Variants in PHF20 observed in about 807,000 individuals in gnomAD.
PHF20 encodes glioma-expressed antigen 2.
Under a neutral mutation model 113.5 loss-of-function variants are expected in PHF20, and 23 were observed. The observed-to-expected ratio is 0.20, with a 90% CI of 0.15 to 0.29. The LOEUF (loss-of-function observed/expected upper bound fraction) is 0.29, where lower values mean the gene tolerates loss of function less well. PHF20 is among the 10% of genes least tolerant of loss of function. The pLI, the probability that PHF20 is intolerant of heterozygous loss-of-function variation, is 1.00. For synonymous variants in PHF20, 434 were observed against 457.3 expected (o/e 0.95, Z 0.65); for missense variants, 943 against 1,219.6 (o/e 0.77, Z 3.38).
chr20:35,783,544 G>A (rs1210523160), intron 1 of PHF20, among the ~76,000 whole-genome samples: 1 of 151,378 alleles, frequency 6.6e-6, no homozygotes, highest in African/African-American at 2.4e-5. Flanking sequence ...ATCCTCGTGA[G>A]TAGTTGGGAC....
chr20:35,930,001 G>C (rs556682811), intron 14 of PHF20, among the ~76,000 whole-genome samples: 16 of 152,344 alleles, frequency 1.1e-4, no homozygotes, highest in Admixed American at 8.5e-4. Flanking sequence ...CAACAGTCTG[G>C]TAGAAAGCTT....
chr20:35,908,411 C>G (rs974307316), intron 10 of PHF20, among the ~76,000 whole-genome samples: 2 of 152,220 alleles, frequency 1.3e-5, no homozygotes, highest in Non-Finnish European at 2.9e-5. Flanking sequence ...GGCAGTTTTC[C>G]TCTACATCTT....
At chr20:35,880,993 A>G (rs981081458) in intron 9 of PHF20, among the ~76,000 whole-genome samples, 4 of 150,960 alleles carry the variant, frequency 2.6e-5, no homozygotes, top group Non-Finnish European at 4.4e-5. Flanking sequence ...TTTTTTTAGA[A>G]AGTACTTTTT....
At chr20:35,849,817 C>G (rs1005197862) in intron 4 of PHF20, among the ~76,000 whole-genome samples, 1 of 152,150 alleles carries the variant, frequency 6.6e-6, no homozygotes, top group African/African-American at 2.4e-5. Flanking sequence ...CAGGAGGAGG[C>G]AGGGGATATA....
At chr20:35,878,803 G>A in intron 9 of PHF20, 3 of 637,066 alleles carry the variant, frequency 4.7e-6, no homozygotes, top group Non-Finnish European at 8.5e-6. Context: ...TTGAAGTTAC[G>A]TATTATTGTT....
intron 1 of PHF20, among the ~76,000 whole-genome samples, chr20:35,784,947 A>C (rs1357922145): frequency 6.6e-6 from 1 of 151,278 alleles, no homozygotes; most frequent in Non-Finnish European, 1.5e-5. Flanking sequence ...GCACTGGGGG[A>C]GCTGAGGTGG....
chr20:35,932,299 C>T (rs942770942), intron 15 of PHF20, among the ~76,000 whole-genome samples: 1 of 151,520 alleles, frequency 6.6e-6, no homozygotes, highest in Non-Finnish European at 1.5e-5. Context: ...GAACTCCTGA[C>T]CTCAAGTGAT....
At chr20:35,879,817 G>T (rs1412555366) in intron 9 of PHF20, among the ~76,000 whole-genome samples, 1 of 145,778 alleles carries the variant, frequency 6.9e-6, no homozygotes, top group Non-Finnish European at 1.5e-5. Flanking sequence ...AAACAAAACA[G>T]AATAAAACCC....
chr20:35,938,548 C>A, intron 15 of PHF20, 149 bp from the exon 16 acceptor site: 1 of 736,796 alleles, frequency 1.4e-6, no homozygotes, highest in Non-Finnish European at 2.3e-6. Flanking sequence ...ACCACGGATT[C>A]ACATTCGCTC....
chr20:35,904,770 CT>C (rs11479574), intron 10 of PHF20, among the ~76,000 whole-genome samples: 17 of 85,724 alleles, frequency 2.0e-4, no homozygotes, highest in African/African-American at 1.1e-3. Flanking sequence ...TTCTTTTCTC[CT>C]TCCTTCCTTC....
chr20:35,854,221 C>G (rs999126081), intron 4 of PHF20, among the ~76,000 whole-genome samples: 1 of 152,050 alleles, frequency 6.6e-6, no homozygotes, highest in African/African-American at 2.4e-5. Context: ...TTCTTAGAAC[C>G]CTTTTAGTGT....
intron 4 of PHF20, among the ~76,000 whole-genome samples, chr20:35,852,168 G>A (rs1488278555): frequency 6.6e-6 from 1 of 152,202 alleles, no homozygotes; most frequent in Non-Finnish European, 1.5e-5. Context: ...TCTGCATGGA[G>A]GTCTGTGGTT....
At chr20:35,942,460 C>T (rs2056001491) in intron 17 of PHF20, among the ~76,000 whole-genome samples, 1 of 152,196 alleles carries the variant, frequency 6.6e-6, no homozygotes, top group Non-Finnish European at 1.5e-5. Flanking sequence ...GTTGTTGCCA[C>T]AGGGACCTTC....
intron 2 of PHF20, among the ~76,000 whole-genome samples, chr20:35,829,330 T>C (rs1447186020): frequency 1.3e-5 from 2 of 152,066 alleles, no homozygotes; most frequent in Non-Finnish European, 2.9e-5. Flanking sequence ...CCAGCCTACT[T>C]CTCCAAAATA....
intron 1 of PHF20, among the ~76,000 whole-genome samples, chr20:35,786,081 C>T (rs1025131146): frequency 6.7e-6 from 1 of 148,886 alleles, no homozygotes; most frequent in African/African-American, 2.5e-5. Context: ...GATAGCTGGT[C>T]AGGTGTGTTT....
At chr20:35,912,374 T>C (rs1412466320) in intron 10 of PHF20, among the ~76,000 whole-genome samples, 1 of 152,204 alleles carries the variant, frequency 6.6e-6, no homozygotes, top group East Asian at 1.9e-4. Context: ...TAGGAAAAAC[T>C]GTGAAGGGAG....
intron 2 of PHF20, among the ~76,000 whole-genome samples, chr20:35,806,258 C>A (rs1437303615): frequency 6.7e-6 from 1 of 148,618 alleles, no homozygotes; most frequent in East Asian, 2.0e-4. Context: ...CTTCCAGGCT[C>A]AGGTGATCCT....
At chr20:35,831,393 C>A (rs759956834) in intron 2 of PHF20, among the ~76,000 whole-genome samples, 1 of 152,130 alleles carries the variant, frequency 6.6e-6, no homozygotes, top group Non-Finnish European at 1.5e-5. Flanking sequence ...ATCTCAAACT[C>A]CTGGGCTCAG....
At chr20:35,800,441 CAAAA>C (rs934999193) in intron 1 of PHF20, among the ~76,000 whole-genome samples, 1 of 151,562 alleles carries the variant, frequency 6.6e-6, no homozygotes, top group Non-Finnish European at 1.5e-5. Context: ...AACCAACAAA[CAAAA>C]AAAGAAGTAG....
Sources: gnomAD v4.1 joint callset for allele counts (sites outside exome capture counted in the v4.1 genomes callset) on GRCh38, gnomAD v4.1.1 for gene constraint, MANE v1.5 for transcripts, NCBI Gene and HGNC (gene_info 2026-07-23, HGNC 2026-07-21) for gene names.